Variants in GRM8 observed in about 807,000 individuals in gnomAD.
GRM8 encodes the protein metabotropic glutamate receptor 8.
In GRM8, 47 loss-of-function variants were observed where a neutral mutation model predicts 87.2. The ratio of observed to expected loss-of-function variants is 0.54; its 90% CI spans 0.43 to 0.69. GRM8 has a LOEUF of 0.69. Among genes scored for constraint, GRM8 ranks in the 30% least tolerant of loss-of-function variants. The pLI, the probability that GRM8 is intolerant of heterozygous loss-of-function variation, is 0.00. For missense variants in GRM8, 1,019 were observed against 1,139.2 expected (o/e 0.89, Z 1.52); for synonymous variants, 396 against 404.5 (o/e 0.98, Z 0.25).
intron 6 of GRM8, among the ~76,000 whole-genome samples, chr7:126,806,247 C>T (rs1456252897): frequency 6.6e-6 from 1 of 152,188 alleles, no homozygotes; most frequent in Non-Finnish European, 1.5e-5. Flanking sequence ...GTGAGTGCTA[C>T]AGCTCTTAAA....
chr7:127,003,124 C>A (rs1250008607), intron 3 of GRM8, among the ~76,000 whole-genome samples: 1 of 151,714 alleles, frequency 6.6e-6, no homozygotes, highest in Non-Finnish European at 1.5e-5. Flanking sequence ...GGCTAGATAA[C>A]AACCAAATAC....
intron 1 of GRM8, chr7:127,250,701 C>T (rs1235153251): frequency 6.6e-6 from 1 of 152,200 alleles, no homozygotes; most frequent in Non-Finnish European, 1.5e-5. Flanking sequence ...CTGCCTCCTA[C>T]AGAGATCTTT....
chr7:126,505,689 G>T (rs547308697), intron 9 of GRM8, among the ~76,000 whole-genome samples: 18 of 152,140 alleles, frequency 1.2e-4, no homozygotes, highest in African/African-American at 3.1e-4. Flanking sequence ...TTTAAGAACA[G>T]CTTGTTGAAG....
chr7:127,024,417 CATT>C (rs1816572841), intron 3 of GRM8, among the ~76,000 whole-genome samples: 1 of 152,028 alleles, frequency 6.6e-6, no homozygotes, highest in Non-Finnish European at 1.5e-5. Flanking sequence ...CTGTATTCAT[CATT>C]AACAATGACA....
chr7:126,740,844 G>A (rs1814889786), intron 7 of GRM8, among the ~76,000 whole-genome samples: 1 of 152,070 alleles, frequency 6.6e-6, no homozygotes, highest in Non-Finnish European at 1.5e-5. Context: ...AGAAAATACC[G>A]AAGCATAGAC....
At chr7:126,740,155 C>A (rs1467465126) in intron 7 of GRM8, among the ~76,000 whole-genome samples, 1 of 151,974 alleles carries the variant, frequency 6.6e-6, no homozygotes, top group African/African-American at 2.4e-5. Flanking sequence ...TAAATAAATG[C>A]CAGGCAACAT....
At chr7:126,523,394 G>A (rs533269224) in intron 9 of GRM8, among the ~76,000 whole-genome samples, 2 of 152,034 alleles carry the variant, frequency 1.3e-5, no homozygotes, top group East Asian at 3.9e-4. Flanking sequence ...TATCTCTTGA[G>A]TTACCAATTT....
At chr7:126,932,141 C>T (rs559522338) in intron 3 of GRM8, among the ~76,000 whole-genome samples, 7 of 152,160 alleles carry the variant, frequency 4.6e-5, no homozygotes, top group East Asian at 1.9e-4. Context: ...TTTCTATTCT[C>T]AAGACTGTTT....
At chr7:126,441,708 T>C (rs2150446402) in intron 10 of GRM8, among the ~76,000 whole-genome samples, 1 of 152,178 alleles carries the variant, frequency 6.6e-6, no homozygotes, top group Non-Finnish European at 1.5e-5. Flanking sequence ...ACTCATTCCA[T>C]CTTAGTGACA....
intron 8 of GRM8, among the ~76,000 whole-genome samples, chr7:126,537,986 T>C (rs1344779433): frequency 6.6e-6 from 1 of 152,226 alleles, no homozygotes; most frequent in Non-Finnish European, 1.5e-5. Flanking sequence ...TATTATTCTG[T>C]TATTAAGACG....
intron 9 of GRM8, among the ~76,000 whole-genome samples, chr7:126,454,031 G>T (rs946745731): frequency 2.0e-5 from 3 of 151,558 alleles, no homozygotes; most frequent in African/African-American, 7.3e-5. Flanking sequence ...ACAGCAATGG[G>T]GATGTCTTTA....
chr7:126,908,198 C>A (rs1256607878), intron 3 of GRM8, among the ~76,000 whole-genome samples: 2 of 151,668 alleles, frequency 1.3e-5, no homozygotes, highest in Non-Finnish European at 2.9e-5. Context: ...TGTTGTGGGG[C>A]AAAGAGGTCA....
intron 8 of GRM8, among the ~76,000 whole-genome samples, chr7:126,568,353 T>C (rs891426715): frequency 1.3e-5 from 2 of 152,136 alleles, no homozygotes; most frequent in Non-Finnish European, 2.9e-5. Context: ...ACATAAGCCA[T>C]TACTTTCATA....
At chr7:127,143,408 A>G (rs1054521581) in intron 2 of GRM8, among the ~76,000 whole-genome samples, 3 of 152,186 alleles carry the variant, frequency 2.0e-5, no homozygotes, top group Admixed American at 2.0e-4. Flanking sequence ...CCTAATAAGT[A>G]TTAACTAATA....
chr7:127,032,378 G>C (rs911114069), intron 3 of GRM8, among the ~76,000 whole-genome samples: 2 of 152,076 alleles, frequency 1.3e-5, no homozygotes, highest in African/African-American at 4.8e-5. Context: ...TTCACTGGTT[G>C]GGTGACTGGC....
chr7:126,911,098 G>C (rs1265075092), intron 3 of GRM8, among the ~76,000 whole-genome samples: 1 of 152,126 alleles, frequency 6.6e-6, no homozygotes, highest in African/African-American at 2.4e-5. Flanking sequence ...AACACTGAGA[G>C]ATACTTGACA....
intron 6 of GRM8, among the ~76,000 whole-genome samples, chr7:126,787,745 T>C (rs1043388487): frequency 2.6e-5 from 4 of 152,172 alleles, no homozygotes. Context: ...TGACTTGCTG[T>C]GGTCGATATC....
chr7:126,615,042 C>T (rs939913581), intron 7 of GRM8, among the ~76,000 whole-genome samples: 13 of 151,962 alleles, frequency 8.6e-5, no homozygotes, highest in Non-Finnish European at 1.6e-4. Context: ...AGATACTCCT[C>T]GAGAAGAGCA....
At chr7:126,796,895 T>A (rs981901478) in intron 6 of GRM8, among the ~76,000 whole-genome samples, 2 of 152,122 alleles carry the variant, frequency 1.3e-5, no homozygotes, top group African/African-American at 4.8e-5. Context: ...TACACTGAGC[T>A]CATCATCTTA....
Sources: gnomAD v4.1 joint callset for allele counts (sites outside exome capture counted in the v4.1 genomes callset) on GRCh38, gnomAD v4.1.1 for gene constraint, MANE v1.5 for transcripts, NCBI Gene and HGNC (gene_info 2026-07-23, HGNC 2026-07-21) for gene names.